CNTN3: variants seen among roughly 807,000 people sequenced by gnomAD.
CNTN3 encodes the protein contactin 3, also known as contactin-3.
Under a neutral mutation model 119.1 loss-of-function variants are expected in CNTN3, and 60 were observed. That is an observed-to-expected ratio of 0.50 (90% CI 0.41 to 0.62). The LOEUF is 0.62. Ranked by LOEUF, CNTN3 falls within the 20% of genes least tolerant of loss-of-function variation. CNTN3 has a pLI of 0.00. For synonymous variants in CNTN3, 450 were observed against 438.7 expected (o/e 1.03, Z -0.32); for missense variants, 1,101 against 1,242.4 (o/e 0.89, Z 1.71).
At chr3:74,432,600 A>T (rs549762090) in intron 4 of CNTN3, among the ~76,000 whole-genome samples, 3 of 152,318 alleles carry the variant, frequency 2.0e-5, no homozygotes, top group East Asian at 3.9e-4. Flanking sequence ...AAAATAAAAA[A>T]ATCCCAGCTC....
chr3:74,449,810 A>G (rs907895512), intron 4 of CNTN3, among the ~76,000 whole-genome samples: 4 of 152,056 alleles, frequency 2.6e-5, no homozygotes, highest in South Asian at 2.1e-4. Context: ...TTTGTTATAC[A>G]GTAATTCAAA....
chr3:74,529,866 A>C (rs1013183272), intron 1 of CNTN3, among the ~76,000 whole-genome samples: 5 of 151,956 alleles, frequency 3.3e-5, no homozygotes, highest in African/African-American at 1.2e-4. Context: ...TCCTCACCTC[A>C]TAATCATGGA....
chr3:74,614,592 G>A lies in CNTN3; in HGVS notation c.-282C>T, dbSNP rs949308222. On this transcript the variant is annotated 5_prime_UTR_variant, in exon 1 of 23. Coordinates refer to ENST00000263665, the MANE Select transcript of CNTN3 (RefSeq NM_020872.3). ...CCCAGTCCACGGCGCCAGCCCGCCC[G>A]CCGCTGCCACCGCCGCCGCCGCCAA... 2.7e-5 allele frequency among the ~76,000 whole-genome samples: 4 copies of A among 148,832 alleles called. No homozygotes were observed. The highest frequency in any genetic ancestry group is 9.7e-5 in the African/African-American group (4 of 41,076).
chr3:74,498,967 G>T (rs1703112830), intron 3 of CNTN3, among the ~76,000 whole-genome samples: 1 of 151,656 alleles, frequency 6.6e-6, no homozygotes, highest in Non-Finnish European at 1.5e-5. Flanking sequence ...TTAATCCTGG[G>T]TTATTTAATA....
intron 13 of CNTN3, among the ~76,000 whole-genome samples, chr3:74,306,047 A>C (rs1421255614): frequency 6.6e-6 from 1 of 152,018 alleles, no homozygotes; most frequent in Non-Finnish European, 1.5e-5. Context: ...TTTCTTATCA[A>C]GATGCAATTG....
chr3:74,568,518 T>C (rs1704260854), intron 1 of CNTN3, among the ~76,000 whole-genome samples: 1 of 152,158 alleles, frequency 6.6e-6, no homozygotes, highest in Non-Finnish European at 1.5e-5. Flanking sequence ...CTGAAGCAGG[T>C]CCTGGGATGA....
At chr3:74,511,869 T>C (rs193136998) in intron 2 of CNTN3, among the ~76,000 whole-genome samples, 89 of 152,224 alleles carry the variant, frequency 5.8e-4, no homozygotes, top group Non-Finnish European at 9.7e-4. Context: ...ATATTTACTA[T>C]CTAGCGCATG....
intron 4 of CNTN3, among the ~76,000 whole-genome samples, chr3:74,427,031 A>G (rs964509819): frequency 1.3e-5 from 2 of 152,184 alleles, no homozygotes; most frequent in South Asian, 4.1e-4. Flanking sequence ...GAAACCAGTA[A>G]TGTCTCCTCC....
chr3:74,291,229 C>A (rs1702224603), intron 19 of CNTN3, among the ~76,000 whole-genome samples: 1 of 152,144 alleles, frequency 6.6e-6, no homozygotes, highest in Admixed American at 6.5e-5. Context: ...AGGACATGAA[C>A]TCATCCTTTT....
intron 2 of CNTN3, among the ~76,000 whole-genome samples, chr3:74,501,616 G>T (rs1703167484): frequency 1.3e-5 from 2 of 152,052 alleles, no homozygotes; most frequent in South Asian, 2.1e-4. Flanking sequence ...AAGACTGTTA[G>T]AAGTAAGGGC....
At chr3:74,300,052 T>C (rs753800880) in intron 16 of CNTN3, 114 bp from the exon 17 acceptor site, 15 of 549,890 alleles carry the variant, frequency 2.7e-5, no homozygotes, top group Non-Finnish European at 4.2e-5. Context: ...TGGCACATGA[T>C]TCATACATAT....
At chr3:74,411,225 G>A (rs1701433486) in intron 5 of CNTN3, among the ~76,000 whole-genome samples, 2 of 144,950 alleles carry the variant, frequency 1.4e-5, no homozygotes, top group Admixed American at 6.9e-5. Context: ...TAAAAAAAAA[G>A]TCACTCTATT....
At chr3:74,364,406 T>G in intron 10 of CNTN3, 61 bp downstream of exon 10, 1 of 1,515,692 alleles carries the variant, frequency 6.6e-7, no homozygotes, top group Non-Finnish European at 9.0e-7. Flanking sequence ...TTACTGCTTC[T>G]GGAAACAATG....
chr3:74,521,031 C>A, intron 2 of CNTN3, 27 bp downstream of exon 2: 1 of 1,493,438 alleles, frequency 6.7e-7, no homozygotes, highest in Non-Finnish European at 9.2e-7. Context: ...CTAACCTCAA[C>A]TTAGAAAATA....
chr3:74,454,082 C>A lies in CNTN3; in HGVS notation c.359-29142G>T, dbSNP rs1370691668. 7.2e-3 allele frequency among the ~76,000 whole-genome samples: 916 copies of A among 126,894 alleles called. 7 individuals carry two copies. Among genetic ancestry groups the A allele is most frequent in the African/African-American group, 0.026 (869 of 33,082 alleles). The allele number at this position is 126,894 out of a possible 152,430, so 83.2% of individuals were successfully genotyped here. A position where few individuals can be genotyped will look rare whatever the true frequency, so the allele number is the denominator to read the frequency against. ...GGGTATCCTTGTTGACTTTCTGTCT[C>A]GTTGATCTGTCTAATGTTGACAGTG... is the stretch of plus-strand genomic sequence containing the variant. On this transcript the variant is annotated intron_variant, in intron 4 of 22. Coordinates refer to ENST00000263665, the MANE Select transcript of CNTN3 (RefSeq NM_020872.3).
chr3:74,351,513 A>G (rs1051922523), intron 11 of CNTN3, among the ~76,000 whole-genome samples: 1 of 152,210 alleles, frequency 6.6e-6, no homozygotes, highest in Non-Finnish European at 1.5e-5. Flanking sequence ...GATCTGACCC[A>G]CATCTTTCTG....
chr3:74,364,448 C>G lies in CNTN3; in HGVS notation c.1213+19G>C. 3.1e-6 allele frequency: 5 copies of G among 1,602,150 alleles called. No homozygotes were observed. The highest frequency in any genetic ancestry group is 4.3e-6 in the Non-Finnish European group (5 of 1,174,208). On this transcript the variant is annotated intron_variant, in intron 10 of 22. Coordinates refer to ENST00000263665, the MANE Select transcript of CNTN3 (RefSeq NM_020872.3). ...TTAAGACAAAAAATTAAGAGAAGAG[C>G]AGAGAAAATCAGCCTTACCAACAAC...
chr3:74,570,664 A>C (rs1704299167), intron 1 of CNTN3, among the ~76,000 whole-genome samples: 1 of 152,082 alleles, frequency 6.6e-6, no homozygotes. Flanking sequence ...TAAAATTTTT[A>C]TGTATCATAT....
At chr3:74,567,979 G>C (rs558532675) in intron 1 of CNTN3, among the ~76,000 whole-genome samples, 1 of 152,106 alleles carries the variant, frequency 6.6e-6, no homozygotes, top group African/African-American at 2.4e-5. Context: ...GTTACTAATT[G>C]AGGCCCTCTG....
Sources: gnomAD v4.1 joint callset for allele counts (sites outside exome capture counted in the v4.1 genomes callset) on GRCh38, gnomAD v4.1.1 for gene constraint, MANE v1.5 for transcripts, NCBI Gene and HGNC (gene_info 2026-07-23, HGNC 2026-07-21) for gene names.